The following CDK13 variants were observed in gnomAD, a reference collection of about 807,000 sequenced individuals.
CDK13 encodes cyclin-dependent kinase 13.
In CDK13, 40 loss-of-function variants were observed where a neutral mutation model predicts 137.6. The observed-to-expected ratio is 0.29, with a 90% CI of 0.23 to 0.38. The LOEUF (loss-of-function observed/expected upper bound fraction) is 0.38, where lower values mean the gene tolerates loss of function less well. Ranked by LOEUF, CDK13 falls within the 10% of genes least tolerant of loss-of-function variation. CDK13 has a pLI of 1.00. For synonymous variants in CDK13, 869 were observed against 760.1 expected, an observed-to-expected ratio of 1.14 and a Z score of -2.36; for missense variants, 1,704 against 1,951.8, an observed-to-expected ratio of 0.87 and a Z score of 2.39.
intron 7 of CDK13, among the ~76,000 whole-genome samples, chr7:40,050,512 C>T (rs1785863594): frequency 6.6e-6 from 1 of 152,196 alleles, no homozygotes; most frequent in African/African-American, 2.4e-5. Flanking sequence ...CAGCTTCAGC[C>T]TTCCGAGTAG....
chr7:39,999,283 C>A, intron 3 of CDK13, 78 bp from the exon 4 acceptor site: 2 of 1,163,426 alleles, frequency 1.7e-6, no homozygotes, highest in Non-Finnish European at 2.4e-6. Context: ...AATTGGGTGG[C>A]GAGTAGATAT....
chr7:40,021,230 C>T (rs2150496729), intron 5 of CDK13, among the ~76,000 whole-genome samples: 1 of 152,090 alleles, frequency 6.6e-6, no homozygotes, highest in South Asian at 2.1e-4. Context: ...GGCGCGGTGG[C>T]TCACGCCTGT....
intron 11 of CDK13, among the ~76,000 whole-genome samples, chr7:40,084,900 C>T (rs979083008): frequency 2.0e-5 from 3 of 152,150 alleles, no homozygotes; most frequent in Admixed American, 6.5e-5. Flanking sequence ...AGTGACTGAG[C>T]TGGCATTTGA....
At chr7:40,028,199 T>A (rs561592092) in intron 5 of CDK13, among the ~76,000 whole-genome samples, 2 of 150,596 alleles carry the variant, frequency 1.3e-5, no homozygotes, top group East Asian at 3.9e-4. Flanking sequence ...ATTCCCAGGA[T>A]CTCAGATGCT....
intron 11 of CDK13, among the ~76,000 whole-genome samples, chr7:40,081,805 T>G (rs1176437790): frequency 1.3e-5 from 2 of 152,260 alleles, no homozygotes; most frequent in East Asian, 3.9e-4. Context: ...AGAGACAGGG[T>G]TTCTCCATGT....
intron 5 of CDK13, among the ~76,000 whole-genome samples, chr7:40,017,593 C>G (rs1177840447): frequency 6.6e-6 from 1 of 151,976 alleles, no homozygotes; most frequent in Non-Finnish European, 1.5e-5. Context: ...ACATTTTCTA[C>G]TGATTTAGAG....
At chr7:40,019,103 A>G (rs184499785) in intron 5 of CDK13, among the ~76,000 whole-genome samples, 154 of 152,336 alleles carry the variant, frequency 1.0e-3, no homozygotes, top group Non-Finnish European at 1.9e-3. Flanking sequence ...ACTGTTTACA[A>G]AGGACTAGGT....
At chr7:39,957,237 A>C (rs139521244) in intron 1 of CDK13, among the ~76,000 whole-genome samples, 98 of 151,492 alleles carry the variant, frequency 6.5e-4, no homozygotes, top group East Asian at 1.5e-3. Context: ...GGCATGAGCC[A>C]GTGTGTCCAG....
chr7:39,999,565 T>C, intron 4 of CDK13, 65 bp downstream of exon 4: 1 of 1,462,286 alleles, frequency 6.8e-7, no homozygotes, highest in South Asian at 1.4e-5. Flanking sequence ...GTTTCTCTTC[T>C]GATGTTTGGC....
chr7:40,030,148 G>GT (rs1785337687), intron 5 of CDK13, among the ~76,000 whole-genome samples: 2 of 152,060 alleles, frequency 1.3e-5, no homozygotes, highest in Non-Finnish European at 1.5e-5. Context: ...AGTAGTAGTA[G>GT]TTATAGCCAC....
At chr7:40,041,402 A>C (rs1785601904) in intron 5 of CDK13, among the ~76,000 whole-genome samples, 1 of 152,226 alleles carries the variant, frequency 6.6e-6, no homozygotes, top group Non-Finnish European at 1.5e-5. Context: ...TCAAGACCAC[A>C]AATTATTGAG....
rs117398352 is a variant in CDK13, at chr7:39,961,217, A to G, written c.1211+9365A>G. The stretch of plus-strand genomic sequence containing the variant: ...CTACTAAAAATACAAAACATAGCCA[A>G]GCATGGTGGCGTGTGCCTGTAGACC... On this transcript the variant is annotated intron_variant, in intron 1 of 13. Transcript: ENST00000181839. Among the ~76,000 whole-genome samples, 1,592 of 152,142 alleles carry G rather than the reference A, an allele frequency of 0.01. 71 individuals carry two copies. In the East Asian group the frequency reaches 0.11, roughly 11 times the overall value.
intron 5 of CDK13, among the ~76,000 whole-genome samples, chr7:40,010,764 A>G (rs960187651): frequency 4.6e-5 from 7 of 152,222 alleles, no homozygotes; most frequent in African/African-American, 1.7e-4. Flanking sequence ...GCCACAGGCC[A>G]GTACTAGGAT....
intron 5 of CDK13, among the ~76,000 whole-genome samples, chr7:40,017,343 A>T (rs919129449): frequency 3.3e-5 from 5 of 152,128 alleles, no homozygotes; most frequent in Non-Finnish European, 7.4e-5. Context: ...GTTAGATGAT[A>T]CAATTCTTTT....
intron 5 of CDK13, among the ~76,000 whole-genome samples, chr7:40,009,574 A>G (rs1372345317): frequency 1.3e-5 from 2 of 152,236 alleles, no homozygotes; most frequent in African/African-American, 2.4e-5. Context: ...TCCATTCTGA[A>G]TGTCCTTAGG....
At chr7:39,960,234 A>G (rs902886494) in intron 1 of CDK13, among the ~76,000 whole-genome samples, 1 of 150,262 alleles carries the variant, frequency 6.7e-6, no homozygotes, top group African/African-American at 2.4e-5. Flanking sequence ...TTTCTATAAG[A>G]TACTTACAGA....
At chr7:39,972,565 A>G (rs889896556) in intron 1 of CDK13, among the ~76,000 whole-genome samples, 1 of 152,216 alleles carries the variant, frequency 6.6e-6, no homozygotes, top group African/African-American at 2.4e-5. Context: ...TTTCAGTGGA[A>G]TCATATAATG....
At chr7:40,037,435 A>G (rs1165369082) in intron 5 of CDK13, among the ~76,000 whole-genome samples, 1 of 152,164 alleles carries the variant, frequency 6.6e-6, no homozygotes, top group Non-Finnish European at 1.5e-5. Flanking sequence ...GGCCTTCCAC[A>G]AAGTTGCTTA....
chr7:39,963,920 G>A (rs1228195296), intron 1 of CDK13, among the ~76,000 whole-genome samples: 2 of 152,110 alleles, frequency 1.3e-5, no homozygotes, highest in African/African-American at 4.8e-5. Flanking sequence ...GCTGGATTAC[G>A]TTTATTGATT....
Sources: gnomAD v4.1 joint callset for allele counts (sites outside exome capture counted in the v4.1 genomes callset) on GRCh38, gnomAD v4.1.1 for gene constraint, MANE v1.5 for transcripts, NCBI Gene and HGNC (gene_info 2026-07-23, HGNC 2026-07-21) for gene names.